Variants in CLYBL observed in about 807,000 individuals in gnomAD.
CLYBL encodes the protein citramalyl-CoA lyase.
CLYBL carries 31 observed loss-of-function variants against 38.9 expected under a neutral mutation model. That is an observed-to-expected ratio of 0.80 (90% CI 0.60 to 1.08). The LOEUF (loss-of-function observed/expected upper bound fraction) is 1.08, where lower values mean the gene tolerates loss of function less well. CLYBL is among the 50% of genes least tolerant of loss of function. The pLI, the probability that CLYBL is intolerant of heterozygous loss-of-function variation, is 0.00. For synonymous variants in CLYBL, 171 were observed against 158.6 expected (o/e 1.08, Z -0.59); for missense variants, 434 against 411.6 (o/e 1.05, Z -0.47).
intron 1 of CLYBL, among the ~76,000 whole-genome samples, chr13:99,714,273 A>C (rs975570392): frequency 1.3e-5 from 2 of 152,066 alleles, no homozygotes; most frequent in Non-Finnish European, 2.9e-5. Flanking sequence ...TTTCAAGTTG[A>C]TAACTTTTGT....
chr13:99,691,078 T>G (rs2047894725), intron 1 of CLYBL: 1 of 152,164 alleles, frequency 6.6e-6, no homozygotes, highest in Non-Finnish European at 1.5e-5. Context: ...TGCTTTGAGT[T>G]GCTAACCCTC....
intron 2 of CLYBL, among the ~76,000 whole-genome samples, chr13:99,852,870 A>G (rs2051365647): frequency 2.6e-5 from 4 of 152,210 alleles, no homozygotes; most frequent in Admixed American, 2.0e-4. Flanking sequence ...CTGACCATCC[A>G]TTCGTCCCTC....
At chr13:99,779,331 T>G (rs1422629506) in intron 2 of CLYBL, among the ~76,000 whole-genome samples, 1 of 151,964 alleles carries the variant, frequency 6.6e-6, no homozygotes, top group Non-Finnish European at 1.5e-5. Context: ...TTAGTAGAAA[T>G]GGGGTTTCAC....
chr13:99,843,027 C>G (rs1160917270), intron 2 of CLYBL, among the ~76,000 whole-genome samples: 1 of 152,178 alleles, frequency 6.6e-6, no homozygotes. Context: ...TTCTTATCCC[C>G]ATCTTTCACA....
intron 1 of CLYBL, among the ~76,000 whole-genome samples, chr13:99,740,202 C>A (rs1426139630): frequency 6.6e-6 from 1 of 152,172 alleles, no homozygotes; most frequent in East Asian, 1.9e-4. Flanking sequence ...CCTTCTCTGG[C>A]ATTAGTTCTA....
chr13:99,879,086 C>T (rs1254215093), intron 7 of CLYBL, among the ~76,000 whole-genome samples: 2 of 152,130 alleles, frequency 1.3e-5, no homozygotes, highest in Admixed American at 1.3e-4. Context: ...GTTCAGCCGC[C>T]TCGACCTTTC....
chr13:99,686,760 T>C (rs2047823939), intron 1 of CLYBL, among the ~76,000 whole-genome samples: 1 of 152,172 alleles, frequency 6.6e-6, no homozygotes, highest in Non-Finnish European at 1.5e-5. Context: ...CAGATTCAAA[T>C]TTTCAACACA....
At chr13:99,887,435 T>C (rs2052378380) in intron 7 of CLYBL, among the ~76,000 whole-genome samples, 1 of 152,118 alleles carries the variant, frequency 6.6e-6, no homozygotes, top group Admixed American at 6.5e-5. Context: ...CCTCAGTTAT[T>C]AAAAGGGGAT....
intron 2 of CLYBL, among the ~76,000 whole-genome samples, chr13:99,821,074 G>A (rs2050579049): frequency 6.6e-6 from 1 of 152,214 alleles, no homozygotes; most frequent in African/African-American, 2.4e-5. Context: ...AATACTTTAT[G>A]TGATGTAGAA....
chr13:99,620,776 A>G (rs1365966558), intron 1 of CLYBL, among the ~76,000 whole-genome samples: 1 of 151,638 alleles, frequency 6.6e-6, no homozygotes, highest in Non-Finnish European at 1.5e-5. Flanking sequence ...CTCTGTCTCA[A>G]AAAAAGAAAG....
At chr13:99,905,298 G>C (rs760476847) in exon 9 of CLYBL, among the ~76,000 whole-genome samples, 2 of 152,172 alleles carry the variant, frequency 1.3e-5, no homozygotes, top group Non-Finnish European at 1.5e-5. Flanking sequence ...GACCATTACT[G>C]TAGAGTTACA....
intron 2 of CLYBL, among the ~76,000 whole-genome samples, chr13:99,831,175 C>T (rs1000354223): frequency 3.9e-5 from 6 of 152,184 alleles, no homozygotes; most frequent in African/African-American, 9.7e-5. Context: ...AGAGGGACTG[C>T]GCCCTGCACA....
At position 99,818,738 on chromosome 13, in the gene CLYBL, T is replaced by C. The variant is rs538905819; in HGVS notation, c.250-40123T>C. Among the ~76,000 whole-genome samples, 15 of 152,358 alleles carry C rather than the reference T, an allele frequency of 9.8e-5. No homozygotes were observed. In the South Asian group the frequency reaches 3.1e-3, roughly 32 times the overall value. On this transcript the variant is annotated intron_variant, in intron 2 of 8. Transcript: ENST00000339105. ...GTGTAAAAAAGCTTTCCTTATTCCA[T>C]GTTCTTTTCCAGCCCTTCCCTGGGC... is the stretch of plus-strand genomic sequence containing the variant.
intron 1 of CLYBL, among the ~76,000 whole-genome samples, chr13:99,673,924 G>C (rs752926501): frequency 6.6e-6 from 1 of 152,094 alleles, no homozygotes; most frequent in Non-Finnish European, 1.5e-5. Flanking sequence ...TTTCCTGGTG[G>C]GTTGAGTGTT....
At chr13:99,716,293 C>T (rs80065463) in intron 1 of CLYBL, among the ~76,000 whole-genome samples, 2,564 of 142,960 alleles carry the variant, frequency 0.018, 33 homozygotes, top group Non-Finnish European at 0.025. Flanking sequence ...TACTGGTGTG[C>T]GCCACCATGC....
At chr13:99,841,292 C>T (rs960744287) in intron 2 of CLYBL, among the ~76,000 whole-genome samples, 1 of 152,084 alleles carries the variant, frequency 6.6e-6, no homozygotes, top group Non-Finnish European at 1.5e-5. Context: ...AACTAGATGC[C>T]ATAGGAGAGA....
At chr13:99,731,519 G>A (rs967783891) in intron 1 of CLYBL, among the ~76,000 whole-genome samples, 1 of 147,274 alleles carries the variant, frequency 6.8e-6, no homozygotes, top group Non-Finnish European at 1.5e-5. Flanking sequence ...AAAAAAAAAG[G>A]CCAAAGAATG....
intron 1 of CLYBL, among the ~76,000 whole-genome samples, chr13:99,631,861 A>G (rs914424956): frequency 6.6e-6 from 1 of 152,176 alleles, no homozygotes; most frequent in African/African-American, 2.4e-5. Context: ...TCAGCCTCCC[A>G]AAGTGCTGGG....
At chr13:99,618,698 A>G (rs1257577649) in intron 1 of CLYBL, among the ~76,000 whole-genome samples, 6 of 152,130 alleles carry the variant, frequency 3.9e-5, no homozygotes, top group Admixed American at 3.9e-4. Flanking sequence ...CCCATTAAAC[A>G]CTAACTCCCT....
Sources: allele counts gnomAD v4.1 joint callset (sites outside exome capture counted in the v4.1 genomes callset), GRCh38; gene constraint gnomAD v4.1.1; transcripts MANE v1.5; gene names NCBI Gene and HGNC (gene_info 2026-07-23, HGNC 2026-07-21).